KLHL7: variants seen among roughly 807,000 people sequenced by gnomAD.
KLHL7 encodes the protein kelch like family member 7, also known as kelch-like protein 7.
Under a neutral mutation model 67.4 loss-of-function variants are expected in KLHL7, and 44 were observed. The ratio of observed to expected loss-of-function variants is 0.65; its 90% CI spans 0.51 to 0.84. The LOEUF is 0.84. KLHL7 is among the 40% of genes least tolerant of loss of function. KLHL7 has a pLI of 0.00. For synonymous variants in KLHL7, 252 were observed against 243.3 expected (o/e 1.04, Z -0.33); for missense variants, 362 against 718.1 (o/e 0.50, Z 5.67).
At chr7:23,117,375 A>G (rs116922179) in intron 1 of KLHL7, among the ~76,000 whole-genome samples, 4,093 of 151,048 alleles carry the variant, frequency 0.027, 88 homozygotes, top group Non-Finnish European at 0.034. Context: ...TTTCTGAGAG[A>G]ACTGTTTTAA....
intron 1 of KLHL7, among the ~76,000 whole-genome samples, chr7:23,115,846 A>T (rs1783065825): frequency 1.3e-5 from 2 of 151,790 alleles, no homozygotes; most frequent in African/African-American, 4.8e-5. Context: ...ACTGGCCAGG[A>T]CTCATTCTTT....
chr7:23,139,721 A>G (rs2128464134), intron 4 of KLHL7, among the ~76,000 whole-genome samples: 1 of 152,366 alleles, frequency 6.6e-6, no homozygotes, highest in South Asian at 2.1e-4. Flanking sequence ...AAAAAAGTCA[A>G]CATGATTAAG....
intron 9 of KLHL7, 107 bp from the exon 10 acceptor site, chr7:23,172,839 CAT>C (rs1407966574): frequency 3.7e-6 from 3 of 809,672 alleles, no homozygotes; most frequent in Non-Finnish European, 6.5e-6. Flanking sequence ...TATATGTACA[CAT>C]ATGTGAGTAG....
Position 23,117,081 on chromosome 7 carries a change from C to CTTTT in KLHL7, c.121-6675_121-6672dup, listed in dbSNP as rs34692665. Among the ~76,000 whole-genome samples, 607 of 68,188 alleles carry CTTTT rather than the reference C, an allele frequency of 8.9e-3. 84 individuals are homozygous for CTTTT. The highest frequency in any genetic ancestry group is 0.032 in the African/African-American group (549 of 17,370). 44.7% of individuals were successfully genotyped at this position (68,188 alleles called of 152,430 possible). A position where few individuals can be genotyped will look rare whatever the true frequency, so the allele number is the denominator to read the frequency against. ...TCATAAAATTTTCCTAGAGCCAGGC[C>CTTTT]TTTTTTTTTTTTTTTTTTTTTTTTG... On this transcript the variant is annotated intron_variant, in intron 1 of 10. Transcript: ENST00000339077.
chr7:23,145,585 G>T (rs1784330718), intron 6 of KLHL7, among the ~76,000 whole-genome samples: 1 of 152,204 alleles, frequency 6.6e-6, no homozygotes, highest in Non-Finnish European at 1.5e-5. Context: ...AGCATAATCA[G>T]AGTAGCTGGT....
intron 1 of KLHL7, among the ~76,000 whole-genome samples, chr7:23,117,268 A>G (rs1783131283): frequency 6.6e-6 from 1 of 151,782 alleles, no homozygotes; most frequent in East Asian, 1.9e-4. Context: ...TTGTATTTTT[A>G]GTAGAGTTAG....
intron 1 of KLHL7, 43 bp from the exon 2 acceptor site, chr7:23,123,734 C>T (rs1309596053): frequency 3.0e-6 from 4 of 1,337,278 alleles, no homozygotes; most frequent in Non-Finnish European, 4.3e-6. Flanking sequence ...CCAAGCTAGG[C>T]TAGTGAGCCT....
intron 7 of KLHL7, among the ~76,000 whole-genome samples, chr7:23,160,961 G>A (rs1371270128): frequency 6.6e-6 from 1 of 152,092 alleles, no homozygotes; most frequent in African/African-American, 2.4e-5. Context: ...TAATATAATA[G>A]CTATTTGTGT....
Position 23,174,476 on chromosome 7 carries a change from A to G in KLHL7, c.*178A>G, listed in dbSNP as rs535539398. 1.4e-6 allele frequency: 1 copy of G among 733,254 alleles called. No homozygotes were observed. The highest frequency in any genetic ancestry group is 1.5e-5 in the South Asian group (1 of 67,510). The allele number at this position is 733,254 out of a possible 1,614,324, so 45.4% of individuals were successfully genotyped here. A position where few individuals can be genotyped will look rare whatever the true frequency, so the allele number is the denominator to read the frequency against. On this transcript the variant is annotated 3_prime_UTR_variant, in exon 11 of 11. Coordinates refer to ENST00000339077, the MANE Select transcript of KLHL7 (RefSeq NM_001031710.3). ...TGGATTTCCTTAATTCAAAGATCAT[A>G]TTTTAGCTGGCCACAAAACCAAGAA...
At chr7:23,120,810 G>C (rs1314174576) in intron 1 of KLHL7, among the ~76,000 whole-genome samples, 1 of 152,132 alleles carries the variant, frequency 6.6e-6, no homozygotes, top group Admixed American at 6.5e-5. Flanking sequence ...AAGCAATTCT[G>C]CCTTAGCCTA....
At chr7:23,138,937 C>T (rs910860388) in intron 4 of KLHL7, among the ~76,000 whole-genome samples, 5 of 152,042 alleles carry the variant, frequency 3.3e-5, no homozygotes, top group Non-Finnish European at 7.4e-5. Context: ...TTCTAAATCT[C>T]TAGAAAGGGT....
Position 23,128,422 on chromosome 7 carries a change from TAAA to T in KLHL7, c.442+3277_442+3279del, listed in dbSNP as rs201757686. On this transcript the variant is annotated intron_variant, in intron 4 of 10. Coordinates refer to ENST00000339077, the MANE Select transcript of KLHL7 (RefSeq NM_001031710.3). ...AATAAGACTACGACTTCTTTGGGTT[TAAA>T]AAAAAAAAAAAAAAAAAAAAAAAAA... 8.6e-3 allele frequency among the ~76,000 whole-genome samples: 1,005 copies of T among 116,376 alleles called. 10 individuals are homozygous for T. The highest frequency in any genetic ancestry group is 0.028 in the African/African-American group (932 of 33,612). The allele number at this position is 116,376 out of a possible 152,430, so 76.3% of individuals were successfully genotyped here.
intron 1 of KLHL7, among the ~76,000 whole-genome samples, chr7:23,113,329 T>C (rs2128457033): frequency 6.6e-6 from 1 of 152,316 alleles, no homozygotes; most frequent in South Asian, 2.1e-4. Flanking sequence ...TTGTTCTTTT[T>C]ACCTGAACAG....
intron 7 of KLHL7, among the ~76,000 whole-genome samples, chr7:23,154,958 A>G (rs1449407615): frequency 6.6e-6 from 1 of 152,256 alleles, no homozygotes; most frequent in East Asian, 1.9e-4. Context: ...TCTCTTTCTT[A>G]CCATAACACT....
chr7:23,163,675 G>A (rs1297843286), intron 7 of KLHL7, among the ~76,000 whole-genome samples: 1 of 152,136 alleles, frequency 6.6e-6, no homozygotes, highest in Non-Finnish European at 1.5e-5. Flanking sequence ...TCACAGCAGA[G>A]GCAAGAAAGG....
At chr7:23,170,481 T>G (rs1404335852) in intron 9 of KLHL7, among the ~76,000 whole-genome samples, 1 of 152,164 alleles carries the variant, frequency 6.6e-6, no homozygotes, top group Non-Finnish European at 1.5e-5. Context: ...TACAGTTAGA[T>G]AGGATAAGTT....
chr7:23,156,197 G>T (rs1021460222), intron 7 of KLHL7: 1 of 192,632 alleles, frequency 5.2e-6, no homozygotes, highest in Non-Finnish European at 1.1e-5. Context: ...TTTCATTGGT[G>T]ACAGGAGGCA....
rs767246205 is a variant in KLHL7, at chr7:23,106,026, G to C, written c.-1G>C. On this transcript the variant is annotated 5_prime_UTR_variant, in exon 1 of 11. Transcript: ENST00000339077. Reference sequence around the variant, plus strand: ...CCGGGCGTGAACCGAGCTGAGGGAGGATGGCAGCCTCTGGGGTGGAGAAGA... The same window carrying C: ...CCGGGCGTGAACCGAGCTGAGGGAGCATGGCAGCCTCTGGGGTGGAGAAGA... The C allele has an allele frequency of 5.6e-6, 9 of 1,610,004 alleles. No homozygotes were observed. The highest frequency in any genetic ancestry group is 5.0e-5 in the Admixed American group (3 of 59,484).
rs144388064 is a variant in KLHL7 at position 23,157,077 on chromosome 7, C to T, written c.936+4868C>T. On this transcript the variant is annotated intron_variant, in intron 7 of 10. Coordinates refer to ENST00000339077, the MANE Select transcript of KLHL7 (RefSeq NM_001031710.3). ...AAACAGTCCCACCCTGTGATCATGGCGGAAATCAGCAGTTATAAATTGTGT... is the reference window on the plus strand; with the variant it reads ...AAACAGTCCCACCCTGTGATCATGGTGGAAATCAGCAGTTATAAATTGTGT... Among the ~76,000 whole-genome samples the T allele has an allele frequency of 3.4e-4, 51 of 152,182 alleles. No individual in the cohort carries two copies. The East Asian group carries it at 8.5e-3, about 25-fold the overall frequency.
Sources: gnomAD v4.1 joint callset for allele counts (sites outside exome capture counted in the v4.1 genomes callset) on GRCh38, gnomAD v4.1.1 for gene constraint, MANE v1.5 for transcripts, NCBI Gene and HGNC (gene_info 2026-07-23, HGNC 2026-07-21) for gene names.